Variants in CNNM1 observed in about 807,000 individuals in gnomAD.
CNNM1 encodes the protein metal transporter CNNM1.
In CNNM1, 44 loss-of-function variants were observed where a neutral mutation model predicts 78.8. That is an observed-to-expected ratio of 0.56 (90% CI 0.44 to 0.72). The LOEUF is 0.72. Among genes scored for constraint, CNNM1 ranks in the 30% least tolerant of loss-of-function variants. The probability of loss-of-function intolerance (pLI) is 0.00; values close to 1 mark genes in which losing one functional copy is unlikely to be tolerated. For missense variants in CNNM1, 1,101 were observed against 1,292.2 expected, an observed-to-expected ratio of 0.85 and a Z score of 2.27; for synonymous variants, 584 against 581.5, an observed-to-expected ratio of 1.00 and a Z score of -0.06.
intron 6 of CNNM1, among the ~76,000 whole-genome samples, chr10:99,368,948 T>A (rs1238269583): frequency 6.6e-6 from 1 of 152,226 alleles, no homozygotes; most frequent in Non-Finnish European, 1.5e-5. Context: ...TGTGAGTTTT[T>A]CCTCATTTGT....
At chr10:99,337,102 T>C (rs998637336) in intron 1 of CNNM1, among the ~76,000 whole-genome samples, 1 of 152,246 alleles carries the variant, frequency 6.6e-6, no homozygotes, top group Non-Finnish European at 1.5e-5. Flanking sequence ...TATGCTTACT[T>C]ACTACCTGTC....
At chr10:99,373,130 A>G (rs1346730094) in intron 6 of CNNM1, among the ~76,000 whole-genome samples, 1 of 152,188 alleles carries the variant, frequency 6.6e-6, no homozygotes, top group Non-Finnish European at 1.5e-5. Context: ...AGAAGCTTCC[A>G]CGGATGGAAG....
chr10:99,330,074 G>C lies in CNNM1; in HGVS notation c.687G>C (p.Ala229=). Residue 229 remains alanine, a synonymous_variant, in exon 1 of 11, where the codon GCG becomes GCC. Transcript: ENST00000356713. ...CTGCGTGGCTGCGGGCGCTCGGGGCGCTCCTGCTGCTAGCCTTGTCGGCCC... is the reference window on the plus strand; with the variant it reads ...CTGCGTGGCTGCGGGCGCTCGGGGCCCTCCTGCTGCTAGCCTTGTCGGCCC... ...LPPAWLRALG[A]LLLLALSALF... 6.6e-7 allele frequency: 1 copy of C among 1,520,774 alleles called. No individual in the cohort carries two copies. Among genetic ancestry groups the C allele is most frequent in the Non-Finnish European group, 8.7e-7 (1 of 1,143,940 alleles). The allele number at this position is 1,520,774 out of a possible 1,614,324, so 94.2% of individuals were successfully genotyped here. A position where few individuals can be genotyped will look rare whatever the true frequency, so the allele number is the denominator to read the frequency against.
intron 1 of CNNM1, among the ~76,000 whole-genome samples, chr10:99,356,608 A>G (rs199571412): frequency 1.8e-4 from 24 of 134,564 alleles, no homozygotes; most frequent in East Asian, 8.4e-4. Flanking sequence ...AAGAAAGAAA[A>G]GAAAGAAAGA....
In CNNM1 at chr10:99,330,010, G is replaced by A; in HGVS notation, c.623G>A (p.Arg208His). 7.1e-7 allele frequency: 1 copy of A among 1,415,002 alleles called. No homozygotes were observed. Among genetic ancestry groups the A allele is most frequent in the East Asian group, 2.9e-5 (1 of 34,130 alleles). The allele number at this position is 1,415,002 out of a possible 1,614,324, so 87.7% of individuals were successfully genotyped here. ...GAAGGFLLRV[R>H]PRLYGPGGDL... is the part of the protein sequence containing the mutation. ...GCCGGCGGCTTCCTGCTGCGCGTTC[G>A]CCCGCGGTTGTACGGCCCAGGCGGG... Residue 208 changes from arginine (R) to histidine (H), a missense_variant, in exon 1 of 11, where the codon CGC becomes CAC. Transcript: ENST00000356713.
chr10:99,338,557 G>C (rs2030300284), intron 1 of CNNM1, among the ~76,000 whole-genome samples: 1 of 152,000 alleles, frequency 6.6e-6, no homozygotes, highest in Non-Finnish European at 1.5e-5. Flanking sequence ...AGGATTACAG[G>C]TGTGAGCCAT....
intron 7 of CNNM1, among the ~76,000 whole-genome samples, chr10:99,383,737 G>A (rs1226829002): frequency 6.6e-6 from 1 of 152,192 alleles, no homozygotes; most frequent in Non-Finnish European, 1.5e-5. Context: ...TGGGACCAGT[G>A]GTTCTGTCCT....
intron 7 of CNNM1, among the ~76,000 whole-genome samples, chr10:99,377,963 T>G (rs1004302216): frequency 9.4e-6 from 1 of 106,764 alleles, no homozygotes; most frequent in South Asian, 2.6e-4. Flanking sequence ...ATAGGTTCTT[T>G]TTTTTTTTTT....
chr10:99,339,274 C>T lies in CNNM1; in HGVS notation c.1573+8314C>T, dbSNP rs552193223. On this transcript the variant is annotated intron_variant, in intron 1 of 10. Coordinates refer to ENST00000356713, the MANE Select transcript of CNNM1 (RefSeq NM_020348.3). Reference sequence around the variant, plus strand: ...TCAGTAAACATTTTTTGAATTCCTGCTTTGGGCCAGGCATTACACTAGACT... The same window carrying T: ...TCAGTAAACATTTTTTGAATTCCTGTTTTGGGCCAGGCATTACACTAGACT... Among the ~76,000 whole-genome samples, 7 of 152,310 alleles carry T rather than the reference C, an allele frequency of 4.6e-5. No homozygotes were observed. In the South Asian group the frequency reaches 1.0e-3, roughly 23 times the overall value.
chr10:99,355,149 T>G (rs1255472066), intron 1 of CNNM1, among the ~76,000 whole-genome samples: 2 of 152,162 alleles, frequency 1.3e-5, no homozygotes, highest in Non-Finnish European at 2.9e-5. Flanking sequence ...GACTGATATT[T>G]TTTAGCAATG....
chr10:99,348,300 C>T (rs1358926864), intron 1 of CNNM1, among the ~76,000 whole-genome samples: 1 of 152,202 alleles, frequency 6.6e-6, no homozygotes, highest in East Asian at 1.9e-4. Flanking sequence ...CCTGCCTCAG[C>T]CTCCCAAAGT....
At position 99,376,735 on chromosome 10, in the gene CNNM1, C is replaced by G. The variant is rs12265544; in HGVS notation, c.2177-320C>G. On this transcript the variant is annotated intron_variant, in intron 6 of 10. Coordinates refer to ENST00000356713, the MANE Select transcript of CNNM1 (RefSeq NM_020348.3). ...AGGAAGATGTGAACCACCCGTCCCC[C>G]CTGTCTGGGGAAAATAGATGCTCCA... Among the ~76,000 whole-genome samples, 212 of 152,262 alleles carry G rather than the reference C, an allele frequency of 1.4e-3. 1 individual carries two copies. The highest frequency in any genetic ancestry group is 4.7e-3 in the African/African-American group (197 of 41,542).
chr10:99,371,116 T>C (rs985778404), intron 6 of CNNM1, among the ~76,000 whole-genome samples: 12 of 152,160 alleles, frequency 7.9e-5, no homozygotes, highest in Non-Finnish European at 1.2e-4. Flanking sequence ...TAGAGGGCTG[T>C]GATTTATTTG....
chr10:99,373,034 TG>T (rs2031855028), intron 6 of CNNM1, among the ~76,000 whole-genome samples: 1 of 151,980 alleles, frequency 6.6e-6, no homozygotes, highest in Admixed American at 6.5e-5. Context: ...TGAGTCCTTG[TG>T]GGTGTCATCT....
chr10:99,376,824 G>A (rs947674037), intron 6 of CNNM1, among the ~76,000 whole-genome samples: 1 of 152,150 alleles, frequency 6.6e-6, no homozygotes, highest in African/African-American at 2.4e-5. Flanking sequence ...TTTGTCTTAG[G>A]TATTTGTTCC....
chr10:99,357,579 G>A lies in CNNM1; in HGVS notation c.1641G>A (p.Val547=). The change falls in exon 2 of 11, where the codon GTG becomes GTA. Residue 547 remains valine, a synonymous_variant. Coordinates refer to ENST00000356713, the MANE Select transcript of CNNM1 (RefSeq NM_020348.3). ...GAGAAGGGGACCCTTTCTATGAGGT[G>A]ATGGGCATTGTCACGCTGGAGGATA... is the stretch of plus-strand genomic sequence containing the variant. ...NEGEGDPFYE[V]MGIVTLEDII... is the part of the protein sequence containing the mutation. 2 of 1,613,772 alleles carry A rather than the reference G, an allele frequency of 1.2e-6. No individual in the cohort carries two copies. Among genetic ancestry groups the A allele is most frequent in the Non-Finnish European group, 1.7e-6 (2 of 1,179,748 alleles).
chr10:99,335,516 T>C (rs2030134915), intron 1 of CNNM1, among the ~76,000 whole-genome samples: 3 of 152,222 alleles, frequency 2.0e-5, no homozygotes, highest in African/African-American at 7.2e-5. Flanking sequence ...TCTATATTTC[T>C]ATGTTTGAGT....
chr10:99,377,960 C>CTTT (rs66722952), intron 7 of CNNM1, among the ~76,000 whole-genome samples: 5 of 89,624 alleles, frequency 5.6e-5, no homozygotes, highest in Admixed American at 1.2e-4. Context: ...TCCATAGGTT[C>CTTT]TTTTTTTTTT....
chr10:99,386,202 C>A (rs1160304140), intron 7 of CNNM1, among the ~76,000 whole-genome samples: 1 of 152,138 alleles, frequency 6.6e-6, no homozygotes, highest in African/African-American at 2.4e-5. Context: ...CCTGTAAAAT[C>A]CTTTAGAAGA....
Sources: gnomAD v4.1 joint callset for allele counts (sites outside exome capture counted in the v4.1 genomes callset) on GRCh38, gnomAD v4.1.1 for gene constraint, MANE v1.5 for transcripts, NCBI Gene and HGNC (gene_info 2026-07-23, HGNC 2026-07-21) for gene names.